Variants in MTCH2 observed in about 807,000 individuals in gnomAD.
The protein encoded by MTCH2 is mitochondrial carrier homolog 2.
A neutral mutation model predicts 50.6 loss-of-function variants in MTCH2; 25 were observed. The observed-to-expected ratio is 0.49, with a 90% CI of 0.36 to 0.69. The LOEUF (loss-of-function observed/expected upper bound fraction) is 0.69, where lower values mean the gene tolerates loss of function less well. MTCH2 is among the 30% of genes least tolerant of loss of function. The pLI is 0.00. For missense variants in MTCH2, 273 were observed against 384.4 expected, an observed-to-expected ratio of 0.71 and a Z score of 2.42; for synonymous variants, 106 against 132.0, an observed-to-expected ratio of 0.80 and a Z score of 1.35.
intron 10 of MTCH2, among the ~76,000 whole-genome samples, 161 bp downstream of exon 10, chr11:47,626,919 T>C (rs983880451): frequency 5.9e-5 from 9 of 152,216 alleles, no homozygotes; most frequent in African/African-American, 2.2e-4. Context: ...GGCCGAAAAC[T>C]GAGTTATTCT....
downstream of MTCH2, among the ~76,000 whole-genome samples, chr11:47,616,772 T>A (rs2097288671): frequency 3.3e-5 from 5 of 150,594 alleles, no homozygotes; most frequent in Admixed American, 2.7e-4. Context: ...AACCTCCACC[T>A]CCTGGGTTTC....
chr11:47,614,793 G>C (rs2097287404), downstream of MTCH2, among the ~76,000 whole-genome samples: 1 of 152,158 alleles, frequency 6.6e-6, no homozygotes, highest in African/African-American at 2.4e-5. Context: ...AGCCAGGCTG[G>C]TCTCGAACTC....
At chr11:47,615,518 G>T (rs1035390889), downstream of MTCH2, among the ~76,000 whole-genome samples, 2 of 152,128 alleles carry the variant, frequency 1.3e-5, no homozygotes, top group Non-Finnish European at 2.9e-5. Context: ...CATGTCACTG[G>T]CAAGAGGGGG....
At chr11:47,635,852 G>A (rs1320570957) in intron 3 of MTCH2, among the ~76,000 whole-genome samples, 3 of 152,076 alleles carry the variant, frequency 2.0e-5, no homozygotes, top group African/African-American at 7.2e-5. Flanking sequence ...AAGGGGACAG[G>A]TGTGGTTGCT....
the MTCH2 span, among the ~76,000 whole-genome samples, chr11:47,610,207 A>G: frequency 5.3e-5 from 8 of 152,156 alleles, no homozygotes; most frequent in Admixed American, 4.6e-4. Context: ...TGCTCATTAT[A>G]TGGCAGAAAT....
chr11:47,613,322 T>C (rs756511028), downstream of MTCH2, among the ~76,000 whole-genome samples: 1 of 152,038 alleles, frequency 6.6e-6, no homozygotes, highest in Non-Finnish European at 1.5e-5. Flanking sequence ...AACAGAGCTC[T>C]GAAAAGGAGG....
At chr11:47,616,922 G>C (rs2097288760), downstream of MTCH2, among the ~76,000 whole-genome samples, 1 of 152,110 alleles carries the variant, frequency 6.6e-6, no homozygotes, top group South Asian at 2.1e-4. Context: ...GACCTCAGGT[G>C]AACCACCTGC....
At chr11:47,606,877 C>T in the MTCH2 span, among the ~76,000 whole-genome samples, 4 of 152,172 alleles carry the variant, frequency 2.6e-5, no homozygotes, top group South Asian at 2.1e-4. Flanking sequence ...AGCCACTCAG[C>T]GACTAGCTGG....
chr11:47,639,245 C>G (rs2097311742), intron 1 of MTCH2, among the ~76,000 whole-genome samples, 194 bp from the exon 2 acceptor site: 1 of 152,182 alleles, frequency 6.6e-6, no homozygotes, highest in Non-Finnish European at 1.5e-5. Flanking sequence ...GTTCAATAAA[C>G]TCCAAGTTTC....
At chr11:47,613,640 T>C (rs533661481), downstream of MTCH2, among the ~76,000 whole-genome samples, 2 of 152,306 alleles carry the variant, frequency 1.3e-5, no homozygotes, top group Non-Finnish European at 2.9e-5. Flanking sequence ...AAAGTAATGG[T>C]GATCATTTCT....
In MTCH2 at chr11:47,641,186, G is replaced by C. The variant is rs1188028262; in HGVS notation, c.87+1193C>G. On this transcript the variant is annotated intron_variant, in intron 1 of 12. Coordinates refer to ENST00000302503, the MANE Select transcript of MTCH2 (RefSeq NM_014342.4). ...TGGGAAGGCGTGAGCGAACGCGCCC[G>C]GCCCCAAGGGTTCTTACTATATACT... 3.3e-5 allele frequency among the ~76,000 whole-genome samples: 5 copies of C among 152,298 alleles called. No homozygotes were observed. The East Asian group carries it at 9.6e-4, about 29-fold the overall frequency.
Position 47,618,002 on chromosome 11 carries a change from A to G in MTCH2, c.*831T>C, listed in dbSNP as rs547667362. On this transcript the variant is annotated 3_prime_UTR_variant, in exon 13 of 13. Coordinates refer to ENST00000302503, the MANE Select transcript of MTCH2 (RefSeq NM_014342.4). ...TGGTGTAATTTAAGCACTGGCAAAT[A>G]CTTGGCTCTTAAAGAAGGGGGTTAC... 1 of 152,350 alleles carries G rather than the reference A, an allele frequency of 6.6e-6. No individual in the cohort carries two copies. The highest frequency in any genetic ancestry group is 6.5e-5 in the Admixed American group (1 of 15,294). The allele number at this position is 152,350 out of a possible 1,614,324, so 9.4% of individuals were successfully genotyped here.
chr11:47,609,582 G>A, the MTCH2 span, among the ~76,000 whole-genome samples: 27 of 143,200 alleles, frequency 1.9e-4, no homozygotes, highest in Non-Finnish European at 3.0e-4. Context: ...AGTTGGGATC[G>A]TGCCACTGCA....
chr11:47,626,011 C>T (rs1310189591), intron 10 of MTCH2, among the ~76,000 whole-genome samples: 1 of 151,934 alleles, frequency 6.6e-6, no homozygotes. Context: ...CCATACCCAA[C>T]TACTTTTTTT....
At chr11:47,635,098 G>A (rs187172881) in intron 4 of MTCH2, among the ~76,000 whole-genome samples, 126 of 151,246 alleles carry the variant, frequency 8.3e-4, no homozygotes, top group African/African-American at 3.0e-3. Flanking sequence ...TATTTCTTTT[G>A]AGATAGGGTC....
chr11:47,609,457 CAAAAAAAAAA>C, the MTCH2 span, among the ~76,000 whole-genome samples: 1 of 40,122 alleles, frequency 2.5e-5, no homozygotes, highest in African/African-American at 1.1e-4. Flanking sequence ...GATTCTGTAT[CAAAAAAAAAA>C]AAAAAAAAAA....
intron 12 of MTCH2, among the ~76,000 whole-genome samples, chr11:47,619,268 GCT>G (rs1207274676): frequency 1.3e-5 from 2 of 152,034 alleles, no homozygotes; most frequent in Admixed American, 6.6e-5. Flanking sequence ...ATGGAGTCTC[GCT>G]CTGTTGCCCA....
At chr11:47,634,344 T>G (rs1041799999) in intron 5 of MTCH2, among the ~76,000 whole-genome samples, 1 of 152,080 alleles carries the variant, frequency 6.6e-6, no homozygotes, top group African/African-American at 2.4e-5. Flanking sequence ...CCTCCCAAAG[T>G]GCTGGGATTA....
chr11:47,617,190 A>C (rs1404533130), downstream of MTCH2: 1 of 152,190 alleles, frequency 6.6e-6, no homozygotes, highest in African/African-American at 2.4e-5. Flanking sequence ...CAGCCACCCA[A>C]CTTGCACAGG....
Sources: gnomAD v4.1 joint callset for allele counts (sites outside exome capture counted in the v4.1 genomes callset) on GRCh38, gnomAD v4.1.1 for gene constraint, MANE v1.5 for transcripts, NCBI Gene and HGNC (gene_info 2026-07-23, HGNC 2026-07-21) for gene names.